Variants in CDH4 observed in about 807,000 individuals in gnomAD.
CDH4 encodes the protein cadherin-4.
Under a neutral mutation model 86.0 loss-of-function variants are expected in CDH4, and 33 were observed. The ratio of observed to expected loss-of-function variants is 0.38; its 90% CI spans 0.29 to 0.51. CDH4 has a LOEUF of 0.51. Ranked by LOEUF, CDH4 falls within the 20% of genes least tolerant of loss-of-function variation. The pLI is 0.86. For synonymous variants in CDH4, 555 were observed against 549.4 expected (o/e 1.01, Z -0.14); for missense variants, 1,114 against 1,307.4 (o/e 0.85, Z 2.28).
chr20:61,288,015 C>T (rs778244293), intron 2 of CDH4, among the ~76,000 whole-genome samples: 12 of 152,190 alleles, frequency 7.9e-5, no homozygotes, highest in Non-Finnish European at 1.2e-4. Context: ...TTCCACAGCA[C>T]GAAAGGAAAC....
intron 2 of CDH4, among the ~76,000 whole-genome samples, chr20:61,705,553 G>A (rs2087820248): frequency 6.6e-6 from 1 of 152,172 alleles, no homozygotes; most frequent in Non-Finnish European, 1.5e-5. Flanking sequence ...GCAAGCAGCA[G>A]CTGGTCCGTT....
chr20:61,862,008 G>A (rs1983351226), intron 6 of CDH4, among the ~76,000 whole-genome samples: 2 of 152,212 alleles, frequency 1.3e-5, no homozygotes. Flanking sequence ...AGGCCACTGT[G>A]AACGGGAAGC....
At chr20:61,867,036 CAG>C (rs1199481354) in intron 6 of CDH4, among the ~76,000 whole-genome samples, 1 of 152,218 alleles carries the variant, frequency 6.6e-6, no homozygotes, top group African/African-American at 2.4e-5. Flanking sequence ...CGTCCATCCT[CAG>C]GGAGCATCCA....
At chr20:61,330,225 ATGGTTCTAGATCTTTC>A (rs1317086459) in intron 2 of CDH4, among the ~76,000 whole-genome samples, 1 of 152,104 alleles carries the variant, frequency 6.6e-6, no homozygotes, top group Non-Finnish European at 1.5e-5. Flanking sequence ...GCTGGGTCAA[ATGGTTCTAGATCTTTC>A]TGGTTCTAGA....
intron 2 of CDH4, among the ~76,000 whole-genome samples, chr20:61,731,385 G>T (rs2088184382): frequency 6.6e-6 from 1 of 152,158 alleles, no homozygotes; most frequent in Non-Finnish European, 1.5e-5. Context: ...CAGCCCTGCA[G>T]CCCTGCATGA....
intron 6 of CDH4, among the ~76,000 whole-genome samples, chr20:61,872,336 C>T (rs1298439094): frequency 6.6e-6 from 1 of 152,178 alleles, no homozygotes; most frequent in Admixed American, 6.5e-5. Flanking sequence ...GTCCAGAGGG[C>T]CAGGACGGGG....
intron 2 of CDH4, among the ~76,000 whole-genome samples, chr20:61,337,619 G>A (rs1209104836): frequency 6.6e-6 from 1 of 152,018 alleles, no homozygotes; most frequent in Non-Finnish European, 1.5e-5. Flanking sequence ...AAAGAGTTTT[G>A]CATGTGTCCA....
At chr20:61,520,201 G>A (rs548025533) in intron 2 of CDH4, among the ~76,000 whole-genome samples, 2 of 152,158 alleles carry the variant, frequency 1.3e-5, no homozygotes, top group South Asian at 2.1e-4. Context: ...TCTCCAAGGC[G>A]GGGTGATAGT....
At chr20:61,898,204 A>C (rs1169884208) in intron 8 of CDH4, among the ~76,000 whole-genome samples, 1 of 152,260 alleles carries the variant, frequency 6.6e-6, no homozygotes, top group Non-Finnish European at 1.5e-5. Context: ...GGCCGGCCAC[A>C]CTGCCGCACA....
intron 2 of CDH4, among the ~76,000 whole-genome samples, chr20:61,286,566 C>A (rs1260480981): frequency 1.3e-5 from 2 of 152,232 alleles, no homozygotes; most frequent in Non-Finnish European, 2.9e-5. Context: ...AGTGAAATTA[C>A]AAGCAAACCT....
Position 61,663,189 on chromosome 20 carries a change from C to T in CDH4, c.170-80374C>T, listed in dbSNP as rs1328685056. On this transcript the variant is annotated intron_variant, in intron 2 of 15. Coordinates refer to ENST00000614565, the MANE Select transcript of CDH4 (RefSeq NM_001794.5). This position sits in a 1 kb window ranked among gnomAD's most constrained non-coding sequence, Gnocchi z 5.0. ...GCAGCTCCATGAGTGTCCACGCCTC[C>T]GTGTGTGGACTGATGAGGTAAACGT... is the stretch of plus-strand genomic sequence containing the variant. Among the ~76,000 whole-genome samples the T allele has an allele frequency of 1.3e-5, 2 of 152,202 alleles. No individual in the cohort carries two copies. Among genetic ancestry groups the T allele is most frequent in the Non-Finnish European group, 2.9e-5 (2 of 68,032 alleles).
chr20:61,567,437 T>C (rs1277564762), intron 2 of CDH4, among the ~76,000 whole-genome samples: 6 of 152,216 alleles, frequency 3.9e-5, no homozygotes, highest in Non-Finnish European at 8.8e-5. Flanking sequence ...CATTGTGTCC[T>C]GGCATGGCAA....
chr20:61,425,976 TTG>T (rs1275029934), intron 2 of CDH4, among the ~76,000 whole-genome samples: 1 of 152,260 alleles, frequency 6.6e-6, no homozygotes, highest in Non-Finnish European at 1.5e-5. Flanking sequence ...GCATGTGATC[TTG>T]TGTTTCTTAA....
Position 61,510,689 on chromosome 20 carries a change from G to T in CDH4, c.170-232874G>T, listed in dbSNP as rs1332304212. Among the ~76,000 whole-genome samples the T allele has an allele frequency of 1.3e-5, 2 of 152,276 alleles. No individual in the cohort carries two copies. Among genetic ancestry groups the T allele is most frequent in the East Asian group, 3.9e-4 (2 of 5,182 alleles). ...ACTTGCTTGGGGGATTATGAGGCGG[G>T]AAGGTGTGCCCTCCATTATATAGAG... On this transcript the variant is annotated intron_variant, in intron 2 of 15. Coordinates refer to ENST00000614565, the MANE Select transcript of CDH4 (RefSeq NM_001794.5). The surrounding 1 kb of genome is among the most constrained non-coding windows in gnomAD (Gnocchi z 4.2).
chr20:61,900,469 A>G (rs2122889245), intron 8 of CDH4, among the ~76,000 whole-genome samples: 1 of 152,168 alleles, frequency 6.6e-6, no homozygotes, highest in Middle Eastern at 3.4e-3. Context: ...TCCTCCTACC[A>G]GGGACGGCTT....
intron 2 of CDH4, among the ~76,000 whole-genome samples, chr20:61,539,139 G>GT (rs991330713): frequency 3.5e-4 from 53 of 152,168 alleles, no homozygotes; most frequent in African/African-American, 1.1e-3. Flanking sequence ...CACCGTGGCC[G>GT]GTGCACCCAC....
intron 2 of CDH4, among the ~76,000 whole-genome samples, chr20:61,700,658 G>A (rs1321044339): frequency 6.6e-6 from 1 of 151,656 alleles, no homozygotes; most frequent in African/African-American, 2.4e-5. Context: ...CCTCACTGTG[G>A]GGCCACACGT....
At chr20:61,800,237 T>C (rs1979757260) in intron 4 of CDH4, among the ~76,000 whole-genome samples, 1 of 152,210 alleles carries the variant, frequency 6.6e-6, no homozygotes, top group African/African-American at 2.4e-5. Context: ...CCGCACTCCC[T>C]CGAGTGCACA....
intron 3 of CDH4, among the ~76,000 whole-genome samples, chr20:61,750,226 G>A (rs1481452613): frequency 6.6e-6 from 1 of 152,068 alleles, no homozygotes; most frequent in Non-Finnish European, 1.5e-5. Context: ...AAACTACAAG[G>A]CTGATCAGAC....
Sources: gnomAD v4.1 joint callset for allele counts (sites outside exome capture counted in the v4.1 genomes callset) on GRCh38, gnomAD v4.1.1 for gene constraint, Gnocchi (gnomAD v3.1) non-coding constraint, MANE v1.5 for transcripts, NCBI Gene and HGNC (gene_info 2026-07-23, HGNC 2026-07-21) for gene names.